Variants in STOX2 observed in about 807,000 individuals in gnomAD.
STOX2 encodes the protein storkhead box 2.
STOX2 carries 28 observed loss-of-function variants against 60.9 expected under a neutral mutation model. The observed-to-expected ratio is 0.46, with a 90% CI of 0.34 to 0.63. The LOEUF is 0.63. Ranked by LOEUF, STOX2 falls within the 30% of genes least tolerant of loss-of-function variation. STOX2 has a pLI of 0.01. For missense variants in STOX2, 1,024 were observed against 1,187.7 expected, an observed-to-expected ratio of 0.86 and a Z score of 2.03; for synonymous variants, 472 against 463.9, an observed-to-expected ratio of 1.02 and a Z score of -0.22.
intron 1 of STOX2, among the ~76,000 whole-genome samples, chr4:183,911,233 A>T (rs1462484311): frequency 6.6e-6 from 1 of 152,222 alleles, no homozygotes; most frequent in Non-Finnish European, 1.5e-5. Flanking sequence ...ATTTTGCGAT[A>T]CAATCCTATT....
intron 1 of STOX2, among the ~76,000 whole-genome samples, chr4:183,888,655 T>C (rs1055040668): frequency 6.6e-6 from 1 of 152,208 alleles, no homozygotes; most frequent in Non-Finnish European, 1.5e-5. Context: ...GGTTACTTCT[T>C]ATTCTGACTT....
chr4:183,920,467 C>T (rs1192742962), intron 1 of STOX2, among the ~76,000 whole-genome samples: 1 of 152,184 alleles, frequency 6.6e-6, no homozygotes, highest in Non-Finnish European at 1.5e-5. Context: ...TCATCTTGCA[C>T]TTCCTCTAAG....
At chr4:183,955,358 T>C (rs565913953) in intron 1 of STOX2, among the ~76,000 whole-genome samples, 2 of 152,362 alleles carry the variant, frequency 1.3e-5, no homozygotes, top group East Asian at 3.9e-4. Context: ...ATTGCCTTTT[T>C]AAAAAATTGC....
intron 1 of STOX2, among the ~76,000 whole-genome samples, chr4:183,915,346 C>G (rs1263073076): frequency 6.6e-6 from 1 of 152,148 alleles, no homozygotes. Context: ...GCATATCCAA[C>G]TTTTGCTTTG....
chr4:183,850,872 GGATGAGAGAAAGGATGAGAGAAAC>G (rs1740103499), intron 1 of STOX2, among the ~76,000 whole-genome samples: 4 of 148,708 alleles, frequency 2.7e-5, no homozygotes, highest in African/African-American at 7.6e-5. Flanking sequence ...ATGAGGGAAA[GGATGAGAGAAAGGATGAGAGAAAC>G]GATGAGGGAA....
In STOX2 at chr4:183,959,068, A is replaced by G. The variant is rs528330946; in HGVS notation, c.167-42257A>G. Among the ~76,000 whole-genome samples, 558 of 152,084 alleles carry G rather than the reference A, an allele frequency of 3.7e-3. 6 individuals carry two copies. The highest frequency in any genetic ancestry group is 0.02 in the Middle Eastern group (6 of 294). ...CAGAAGGCACGCCAGCTCTCTCAGC[A>G]TGTTTTTGATGTCTCGGTGTTCTCA... On this transcript the variant is annotated intron_variant, in intron 1 of 3. Coordinates refer to ENST00000308497, the MANE Select transcript of STOX2 (RefSeq NM_020225.3).
At chr4:183,801,392 A>G (rs567232350) in intron 1 of STOX2, among the ~76,000 whole-genome samples, 3 of 152,244 alleles carry the variant, frequency 2.0e-5, no homozygotes, top group Non-Finnish European at 4.4e-5. Context: ...TAAAGCCCAT[A>G]CATGTTTATT....
chr4:183,900,063 A>G (rs925372954), intron 1 of STOX2, among the ~76,000 whole-genome samples: 2 of 152,232 alleles, frequency 1.3e-5, no homozygotes, highest in South Asian at 2.1e-4. Context: ...AAATGGAACA[A>G]CAAAGCCTGG....
At chr4:183,915,488 T>C (rs1214075167) in intron 1 of STOX2, among the ~76,000 whole-genome samples, 1 of 152,086 alleles carries the variant, frequency 6.6e-6, no homozygotes, top group Non-Finnish European at 1.5e-5. Flanking sequence ...TCATTCCTCA[T>C]TGTTACGCGT....
chr4:183,875,922 A>G, intron 1 of STOX2, among the ~76,000 whole-genome samples: 1 of 152,124 alleles, frequency 6.6e-6, no homozygotes, highest in East Asian at 1.9e-4. Context: ...GGGTCTTACT[A>G]TGTTGCTCAG....
intron 1 of STOX2, among the ~76,000 whole-genome samples, chr4:183,970,139 C>CGTGTGTGTGTGTGTGTGT (rs3042606): frequency 1.3e-4 from 16 of 126,904 alleles, no homozygotes; most frequent in African/African-American, 4.4e-4. Context: ...ACTACATGTA[C>CGTGTGTGTGTGTGTGTGT]GTGTGTGTGT....
At position 184,021,762 on chromosome 4, in the gene STOX2, G is replaced by A. The variant is rs1734600749; in HGVS notation, c.*4478G>A. On this transcript the variant is annotated 3_prime_UTR_variant, in exon 4 of 4. Transcript: ENST00000308497. The stretch of plus-strand genomic sequence containing the variant: ...ACAATATATCGAGCCCTACTTTGGA[G>A]GAGCTGGATTTCTGAGGGAGCTGAT... 6.6e-6 allele frequency: 1 copy of A among 152,212 alleles called. No individual in the cohort carries two copies. Among genetic ancestry groups the A allele is most frequent in the Admixed American group, 6.5e-5 (1 of 15,282 alleles). The allele number at this position is 152,212 out of a possible 1,614,324, so 9.4% of individuals were successfully genotyped here. A position where few individuals can be genotyped will look rare whatever the true frequency, so the allele number is the denominator to read the frequency against.
At chr4:183,948,366 T>C (rs1002960333) in intron 1 of STOX2, among the ~76,000 whole-genome samples, 1 of 151,620 alleles carries the variant, frequency 6.6e-6, no homozygotes, top group Non-Finnish European at 1.5e-5. Flanking sequence ...CTTAAACTGA[T>C]ACATAGCATC....
chr4:183,918,543 C>T (rs1040479376), intron 1 of STOX2, among the ~76,000 whole-genome samples: 7 of 152,244 alleles, frequency 4.6e-5, no homozygotes, highest in African/African-American at 9.6e-5. Context: ...AAAAACCAAT[C>T]TTGCAGAAGC....
At chr4:183,841,075 C>G (rs977424941) in intron 1 of STOX2, among the ~76,000 whole-genome samples, 13 of 152,314 alleles carry the variant, frequency 8.5e-5, no homozygotes, top group Admixed American at 7.2e-4. Flanking sequence ...ACCATGTTGC[C>G]CAGGCTGGTC....
intron 1 of STOX2, among the ~76,000 whole-genome samples, chr4:183,982,042 C>A (rs1485043392): frequency 6.6e-6 from 1 of 152,224 alleles, no homozygotes; most frequent in Admixed American, 6.5e-5. Flanking sequence ...GGAGGGACAC[C>A]TGCACTGAGA....
At chr4:183,875,993 G>C (rs995943336) in intron 1 of STOX2, among the ~76,000 whole-genome samples, 1 of 152,188 alleles carries the variant, frequency 6.6e-6, no homozygotes, top group Non-Finnish European at 1.5e-5. Flanking sequence ...GATTACAGGT[G>C]TGAGCCACTG....
intron 1 of STOX2, among the ~76,000 whole-genome samples, chr4:183,975,998 T>TATA (rs1732430833): frequency 6.6e-6 from 1 of 152,178 alleles, no homozygotes; most frequent in South Asian, 2.1e-4. Flanking sequence ...AGGCTTGGAA[T>TATA]ATAAGGCAGC....
intron 1 of STOX2, among the ~76,000 whole-genome samples, chr4:183,978,810 G>A (rs1732541747): frequency 6.6e-6 from 1 of 152,128 alleles, no homozygotes; most frequent in African/African-American, 2.4e-5. Flanking sequence ...AAGTGTGTAA[G>A]GCACAACATG....
Sources: allele counts gnomAD v4.1 joint callset (sites outside exome capture counted in the v4.1 genomes callset), GRCh38; gene constraint gnomAD v4.1.1; transcripts MANE v1.5; gene names NCBI Gene and HGNC (gene_info 2026-07-23, HGNC 2026-07-21).